NR3C2: variants seen among roughly 807,000 people sequenced by gnomAD.
NR3C2 encodes the protein nuclear receptor subfamily 3 group C member 2, also known as mineralocorticoid receptor.
NR3C2 carries 15 observed loss-of-function variants against 86.4 expected under a neutral mutation model. The ratio of observed to expected loss-of-function variants is 0.17; its 90% CI spans 0.12 to 0.27. The LOEUF is 0.27. NR3C2 is among the 10% of genes least tolerant of loss of function. NR3C2 has a pLI of 1.00. For synonymous variants in NR3C2, 458 were observed against 450.5 expected (o/e 1.02, Z -0.21); for missense variants, 960 against 1,195.6 (o/e 0.80, Z 2.91).
At chr4:148,182,821 A>G (rs1735705495) in intron 4 of NR3C2, among the ~76,000 whole-genome samples, 1 of 152,112 alleles carries the variant, frequency 6.6e-6, no homozygotes, top group Non-Finnish European at 1.5e-5. Context: ...GCAAGCTTTT[A>G]TTACTATTAT....
chr4:148,243,044 T>G (rs1312295134), intron 3 of NR3C2, among the ~76,000 whole-genome samples: 1 of 151,782 alleles, frequency 6.6e-6, no homozygotes, highest in African/African-American at 2.4e-5. Context: ...TTTTTTTAAT[T>G]TTTAGAGACA....
chr4:148,296,043 C>CAAAAAA (rs1742033229), intron 2 of NR3C2, among the ~76,000 whole-genome samples: 1 of 27,200 alleles, frequency 3.7e-5, no homozygotes. Context: ...TGAGCTGAGG[C>CAAAAAA]CAAAAAAAAA....
chr4:148,398,305 T>C (rs1442417509), intron 2 of NR3C2, among the ~76,000 whole-genome samples: 2 of 152,236 alleles, frequency 1.3e-5, no homozygotes, highest in Non-Finnish European at 2.9e-5. Context: ...TAATTAATTC[T>C]CTAACAAGTT....
chr4:148,360,058 G>A (rs1022468082), intron 2 of NR3C2, among the ~76,000 whole-genome samples: 2 of 152,214 alleles, frequency 1.3e-5, no homozygotes, highest in South Asian at 2.1e-4. Context: ...AGTAAGAGTG[G>A]CTAAGAAGAA....
chr4:148,170,404 G>A (rs1319598932), intron 4 of NR3C2, among the ~76,000 whole-genome samples: 2 of 151,752 alleles, frequency 1.3e-5, no homozygotes, highest in African/African-American at 4.8e-5. Context: ...CTTAATAACA[G>A]AAGTCATAAA....
chr4:148,228,720 A>T (rs1738307608), intron 3 of NR3C2, among the ~76,000 whole-genome samples: 1 of 152,238 alleles, frequency 6.6e-6, no homozygotes, highest in African/African-American at 2.4e-5. Flanking sequence ...AAAGCAGAAG[A>T]CAACATTTAA....
chr4:148,178,498 T>G (rs772597639), intron 4 of NR3C2, among the ~76,000 whole-genome samples: 1 of 151,824 alleles, frequency 6.6e-6, no homozygotes, highest in African/African-American at 2.4e-5. Context: ...TCAAGGATGT[T>G]CTGCAATTAG....
chr4:148,339,039 A>AATTCCT (rs1744627265), intron 2 of NR3C2, among the ~76,000 whole-genome samples: 1 of 152,204 alleles, frequency 6.6e-6, no homozygotes, highest in South Asian at 2.1e-4. Flanking sequence ...ATTCAGTTCC[A>AATTCCT]ATTCCTATTA....
At position 148,274,087 on chromosome 4, in the gene NR3C2, GA is replaced by G. The variant is rs550801399; in HGVS notation, c.1758-13971del. On this transcript the variant is annotated intron_variant, in intron 2 of 8. Coordinates refer to ENST00000358102, the MANE Select transcript of NR3C2 (RefSeq NM_000901.5). ...ACAGGTAATAAAAGGCAGCTCATGA[GA>G]AAAAAAAAAAAAAGGTAATACAGGT... 9.0e-3 allele frequency among the ~76,000 whole-genome samples: 976 copies of G among 108,772 alleles called. 7 individuals carry two copies. The highest frequency in any genetic ancestry group is 0.02 in the African/African-American group (601 of 30,800). The allele number at this position is 108,772 out of a possible 152,430, so 71.4% of individuals were successfully genotyped here.
In NR3C2 at chr4:148,297,573, A is replaced by G. The variant is rs868005170; in HGVS notation, c.1758-37456T>C. Among the ~76,000 whole-genome samples the G allele has an allele frequency of 1.6e-4, 24 of 152,344 alleles. 1 individual carries two copies. In the South Asian group the frequency reaches 4.3e-3, roughly 28 times the overall value. On this transcript the variant is annotated intron_variant, in intron 2 of 8. Coordinates refer to ENST00000358102, the MANE Select transcript of NR3C2 (RefSeq NM_000901.5). The stretch of plus-strand genomic sequence containing the variant: ...TCAGGAGTTCGAGACCAGCCTGACC[A>G]ACATGGTGAAACCATGTGTCTACTA...
intron 2 of NR3C2, among the ~76,000 whole-genome samples, chr4:148,292,060 A>G (rs1741821366): frequency 1.3e-5 from 2 of 152,046 alleles, no homozygotes; most frequent in South Asian, 4.1e-4. Flanking sequence ...CTTTTGCACC[A>G]TTGAGGTAAT....
intron 8 of NR3C2, among the ~76,000 whole-genome samples, chr4:148,093,339 G>T (rs933414316): frequency 3.3e-5 from 5 of 152,206 alleles, no homozygotes; most frequent in African/African-American, 1.2e-4. Context: ...GGCCTTGCAG[G>T]GAGAGTCTCC....
intron 2 of NR3C2, among the ~76,000 whole-genome samples, chr4:148,303,411 A>G (rs573705268): frequency 6.6e-6 from 1 of 152,284 alleles, no homozygotes; most frequent in East Asian, 1.9e-4. Flanking sequence ...CCTATCATCC[A>G]GAGGTTTCCT....
chr4:148,153,879 G>A (rs908393511), intron 5 of NR3C2, among the ~76,000 whole-genome samples: 1 of 151,960 alleles, frequency 6.6e-6, no homozygotes, highest in Non-Finnish European at 1.5e-5. Flanking sequence ...ATTAACCCTC[G>A]TTATGAGCCG....
intron 2 of NR3C2, among the ~76,000 whole-genome samples, chr4:148,311,181 T>G (rs979754236): frequency 6.6e-6 from 1 of 152,208 alleles, no homozygotes; most frequent in Non-Finnish European, 1.5e-5. Context: ...CTCTTGGATA[T>G]TTTCGTTTCT....
At chr4:148,407,323 T>C (rs1387428009) in intron 2 of NR3C2, among the ~76,000 whole-genome samples, 1 of 152,224 alleles carries the variant, frequency 6.6e-6, no homozygotes, top group East Asian at 1.9e-4. Flanking sequence ...TAGGGTTCAC[T>C]TGATTGTTTT....
rs758424081 is a variant in NR3C2 at position 148,436,350 on chromosome 4, A to G, written c.511T>C (p.Ser171Pro). 15 of 1,614,062 alleles carry G rather than the reference A, an allele frequency of 9.3e-6. No individual in the cohort carries two copies. In the Middle Eastern group the frequency reaches 6.6e-4, roughly 71 times the overall value. Residue 171 changes from serine to proline, a missense_variant, in exon 2 of 9, where the codon TCC (serine) becomes CCC (proline). Ser to Pro is a moderately conservative substitution (Grantham distance 74, BLOSUM62 -1). This residue lies in a region of NR3C2 where 680 missense variants were observed against 719.0 expected (regional missense o/e 0.95). Transcript: ENST00000358102. ...LRSFMSDSGS[S>P]VNGGVMRAVV... is the part of the protein sequence containing the mutation. ...GCGCGCATGACGCCACCATTCACGG[A>G]GCTCCCAGAGTCAGACATAAATGAT...
chr4:148,424,208 A>G (rs1193568857), intron 2 of NR3C2, among the ~76,000 whole-genome samples: 3 of 152,212 alleles, frequency 2.0e-5, no homozygotes, highest in African/African-American at 7.2e-5. Context: ...GGTGTCTTTA[A>G]GATATTAGGA....
At chr4:148,288,222 T>A (rs3846325) in intron 2 of NR3C2, among the ~76,000 whole-genome samples, 43,120 of 152,132 alleles carry the variant, frequency 0.28, 6,145 homozygotes, top group Middle Eastern at 0.44. Flanking sequence ...GTCTTTCTTG[T>A]AAGATTGTGA....
Sources: allele counts gnomAD v4.1 joint callset (sites outside exome capture counted in the v4.1 genomes callset), GRCh38; gene constraint gnomAD v4.1.1; regional missense constraint gnomAD v4.1.1; transcripts MANE v1.5; gene names NCBI Gene and HGNC (gene_info 2026-07-23, HGNC 2026-07-21).